The following SAMTOR variants were observed in gnomAD, a reference collection of about 807,000 sequenced individuals.
The protein encoded by SAMTOR is UPF0532 protein C7orf60.
At chr7:112,858,616 T>C in the SAMTOR span, among the ~76,000 whole-genome samples, 2 of 152,198 alleles carry the variant, frequency 1.3e-5, no homozygotes, top group South Asian at 2.1e-4. Flanking sequence ...ATGTTAATCA[T>C]AAATTCAAAC....
At chr7:112,922,391 T>C in the SAMTOR span, among the ~76,000 whole-genome samples, 2 of 152,026 alleles carry the variant, frequency 1.3e-5, no homozygotes, top group Non-Finnish European at 2.9e-5. Context: ...GTCTGGGAAG[T>C]GAGGAGCGTC....
the SAMTOR span, among the ~76,000 whole-genome samples, chr7:112,895,129 TG>T: frequency 3.9e-5 from 6 of 151,966 alleles, no homozygotes; most frequent in African/African-American, 1.4e-4. Context: ...CCACTTTAAT[TG>T]TATTTTGCTG....
At chr7:112,896,149 G>A in the SAMTOR span, among the ~76,000 whole-genome samples, 1 of 152,164 alleles carries the variant, frequency 6.6e-6, no homozygotes, top group Non-Finnish European at 1.5e-5. Flanking sequence ...CTGTTCTTGA[G>A]GTCCCTCTGG....
chr7:112,892,782 A>T, the SAMTOR span, among the ~76,000 whole-genome samples: 31,212 of 151,618 alleles, frequency 0.21, 3,674 homozygotes, highest in Middle Eastern at 0.4. Flanking sequence ...AAAAAAAAAA[A>T]AATAATAATA....
chr7:112,824,575 C>A, the SAMTOR span, among the ~76,000 whole-genome samples: 4 of 152,160 alleles, frequency 2.6e-5, no homozygotes, highest in Middle Eastern at 3.4e-3. Flanking sequence ...ATTGGCCAGG[C>A]TGGTCTCGAA....
chr7:112,885,641 T>C, the SAMTOR span, among the ~76,000 whole-genome samples: 3 of 152,136 alleles, frequency 2.0e-5, no homozygotes, highest in Non-Finnish European at 4.4e-5. Flanking sequence ...ACCACCAGCA[T>C]TTTGGTCAAA....
chr7:112,861,752 A>G, the SAMTOR span, among the ~76,000 whole-genome samples: 3 of 152,186 alleles, frequency 2.0e-5, no homozygotes, highest in Admixed American at 6.5e-5. Context: ...AGGGTAAGGA[A>G]CTAAATAGTA....
At chr7:112,831,530 C>A in the SAMTOR span, among the ~76,000 whole-genome samples, 9 of 152,084 alleles carry the variant, frequency 5.9e-5, no homozygotes, top group Non-Finnish European at 2.9e-5. Context: ...GTGGTACATG[C>A]CTGTAATCCA....
At chr7:112,830,421 G>A in the SAMTOR span, among the ~76,000 whole-genome samples, 18 of 152,132 alleles carry the variant, frequency 1.2e-4, no homozygotes, top group East Asian at 2.9e-3. Flanking sequence ...ATGTATAGCC[G>A]TCTTTTGTCT....
At chr7:112,903,934 A>G in the SAMTOR span, among the ~76,000 whole-genome samples, 1 of 152,196 alleles carries the variant, frequency 6.6e-6, no homozygotes, top group Non-Finnish European at 1.5e-5. Flanking sequence ...TTGGTGAAGA[A>G]GTAGGGAATA....
the SAMTOR span, among the ~76,000 whole-genome samples, chr7:112,917,217 T>G: frequency 6.6e-6 from 1 of 152,130 alleles, no homozygotes; most frequent in Non-Finnish European, 1.5e-5. Flanking sequence ...AGGGGCAGAC[T>G]GACACCTCAC....
the SAMTOR span, among the ~76,000 whole-genome samples, chr7:112,890,668 T>TTC: frequency 1.3e-5 from 2 of 150,674 alleles, no homozygotes; most frequent in Admixed American, 6.6e-5. Context: ...TAAAAAAGTA[T>TTC]ACATATATAC....
chr7:112,822,363 T>TTA, the SAMTOR span: 1 of 1,593,252 alleles, frequency 6.3e-7, no homozygotes. Flanking sequence ...GAAATCACAT[T>TTA]TATAGACACT....
the SAMTOR span, among the ~76,000 whole-genome samples, chr7:112,900,074 T>C: frequency 6.6e-6 from 1 of 152,118 alleles, no homozygotes; most frequent in Non-Finnish European, 1.5e-5. Context: ...AAACTATTCA[T>C]ATATTCAGAG....
At chr7:112,922,616 TG>T in the SAMTOR span, among the ~76,000 whole-genome samples, 1 of 150,112 alleles carries the variant, frequency 6.7e-6, no homozygotes, top group African/African-American at 2.5e-5. Flanking sequence ...CCGCCCCGTC[TG>T]GGATGTGAGG....
chr7:112,822,350 C>T, the SAMTOR span: 1 of 1,604,816 alleles, frequency 6.2e-7, no homozygotes, highest in South Asian at 1.1e-5. Context: ...GCTGTAAGTT[C>T]AGGAAATCAC....
At chr7:112,853,130 A>G in the SAMTOR span, among the ~76,000 whole-genome samples, 1 of 152,162 alleles carries the variant, frequency 6.6e-6, no homozygotes, top group Non-Finnish European at 1.5e-5. Flanking sequence ...TGAAATGTTC[A>G]TTTATATTCC....
At chr7:112,910,662 C>A in the SAMTOR span, among the ~76,000 whole-genome samples, 1 of 151,940 alleles carries the variant, frequency 6.6e-6, no homozygotes, top group Non-Finnish European at 1.5e-5. Context: ...CAACAAAAAC[C>A]TACTAATATG....
At chr7:112,924,930 G>C in the SAMTOR span, among the ~76,000 whole-genome samples, 1 of 151,448 alleles carries the variant, frequency 6.6e-6, no homozygotes, top group African/African-American at 2.4e-5. Context: ...CAAGTCCAAG[G>C]AAAAAGAAAA....
Sources: allele counts gnomAD v4.1 joint callset (sites outside exome capture counted in the v4.1 genomes callset), GRCh38; gene constraint gnomAD v4.1.1; transcripts MANE v1.5; gene names NCBI Gene and HGNC (gene_info 2026-07-23, HGNC 2026-07-21).